DDX6: variants seen among roughly 807,000 people sequenced by gnomAD.
DDX6 encodes DEAD-box helicase 6.
Under a neutral mutation model 60.6 loss-of-function variants are expected in DDX6, and 7 were observed. The observed-to-expected ratio is 0.12, with a 90% CI of 0.07 to 0.22. The LOEUF (loss-of-function observed/expected upper bound fraction) is 0.22, where lower values mean the gene tolerates loss of function less well. Ranked by LOEUF, DDX6 falls within the 10% of genes least tolerant of loss-of-function variation. The pLI is 1.00. For synonymous variants in DDX6, 207 were observed against 201.0 expected, an observed-to-expected ratio of 1.03 and a Z score of -0.25; for missense variants, 270 against 589.9, an observed-to-expected ratio of 0.46 and a Z score of 5.62.
intron 9 of DDX6, among the ~76,000 whole-genome samples, chr11:118,758,551 G>A (rs1861055754): frequency 6.6e-6 from 1 of 151,756 alleles, no homozygotes; most frequent in Admixed American, 6.6e-5. Flanking sequence ...TTTGTATTTT[G>A]TAGTAGAGAT....
intron 13 of DDX6, among the ~76,000 whole-genome samples, chr11:118,753,697 A>C (rs1555158020): frequency 2.0e-5 from 3 of 152,182 alleles, no homozygotes; most frequent in Non-Finnish European, 4.4e-5. Context: ...TTTGCTAATA[A>C]GGTATTATGG....
intron 1 of DDX6, chr11:118,789,662 G>A (rs1236114850): frequency 6.6e-6 from 1 of 152,244 alleles, no homozygotes; most frequent in East Asian, 1.9e-4. Flanking sequence ...TATGATCAGC[G>A]ATATCACGCA....
At chr11:118,756,172 C>G in intron 11 of DDX6, 88 bp downstream of exon 11, 1 of 995,018 alleles carries the variant, frequency 1.0e-6, no homozygotes, top group Non-Finnish European at 1.6e-6. Context: ...CGGACTATGT[C>G]ACAGGTTGCA....
Position 118,759,215 on chromosome 11 carries a change from A to G in DDX6, c.865-313T>C, listed in dbSNP as rs555305800. On this transcript the variant is annotated intron_variant, in intron 8 of 13. Coordinates refer to ENST00000534980, the MANE Select transcript of DDX6 (RefSeq NM_004397.6). The stretch of plus-strand genomic sequence containing the variant: ...GCTGGGAATGCAGGCATGCACTGCC[A>G]TAACAGACTAATTTTTGTATTTTTA... The G allele has an allele frequency of 7.4e-4, 158 of 213,194 alleles. 2 individuals are homozygous for G. In the South Asian group the frequency reaches 7.7e-3, roughly 10 times the overall value. 13.2% of individuals were successfully genotyped at this position (213,194 alleles called of 1,614,324 possible).
intron 9 of DDX6, among the ~76,000 whole-genome samples, chr11:118,757,953 C>T (rs1555159346): frequency 6.6e-6 from 1 of 152,138 alleles, no homozygotes; most frequent in African/African-American, 2.4e-5. Context: ...ACTTCAGCAC[C>T]ATGTGTAGGG....
At chr11:118,772,306 A>G (rs1861561856) in intron 4 of DDX6, among the ~76,000 whole-genome samples, 1 of 152,204 alleles carries the variant, frequency 6.6e-6, no homozygotes, top group Admixed American at 6.5e-5. Context: ...CATACAATAA[A>G]ATATTATTCA....
At chr11:118,776,443 T>A (rs1158265939) in intron 4 of DDX6, among the ~76,000 whole-genome samples, 1 of 152,280 alleles carries the variant, frequency 6.6e-6, no homozygotes, top group East Asian at 1.9e-4. Context: ...ATGAGTTACC[T>A]AAGTTTCATC....
upstream of DDX6, chr11:118,791,624 CTT>C (rs1862279231): frequency 6.6e-6 from 1 of 152,220 alleles, no homozygotes; most frequent in African/African-American, 2.4e-5. Context: ...GCTGACCTGA[CTT>C]CTCCAGCTGG....
intron 4 of DDX6, among the ~76,000 whole-genome samples, chr11:118,770,618 G>A (rs894829504): frequency 6.6e-6 from 1 of 152,072 alleles, no homozygotes; most frequent in African/African-American, 2.4e-5. Flanking sequence ...GGCTGGGAAC[G>A]ATGGCTCATG....
chr11:118,757,236 A>G lies in DDX6; in HGVS notation c.1045T>C (p.Leu349=), dbSNP rs782579204. 2 of 1,588,370 alleles carry G rather than the reference A, an allele frequency of 1.3e-6. No homozygotes were observed. The highest frequency in any genetic ancestry group is 2.4e-5 in the South Asian group (2 of 85,082). ...IFCNSSQRVE[L]LAKKISQLGY... is the part of the protein sequence containing the mutation. ...AGTTGAGAAATCTTCTTGGCTAGCAATTCAACTCGCTGAGAGGAGTTACAG... is the reference window on the plus strand; with the variant it reads ...AGTTGAGAAATCTTCTTGGCTAGCAGTTCAACTCGCTGAGAGGAGTTACAG... The change falls in exon 10 of 14, where the codon TTG becomes CTG. Residue 349 remains leucine (L), a synonymous_variant. Transcript: ENST00000534980.
intron 11 of DDX6, 135 bp downstream of exon 11, chr11:118,756,125 C>T: frequency 3.3e-6 from 2 of 614,618 alleles, no homozygotes; most frequent in Admixed American, 3.1e-5. Context: ...AGTTCATTTT[C>T]AACTTCAGAA....
intron 4 of DDX6, among the ~76,000 whole-genome samples, chr11:118,779,156 CAA>C (rs5795140): frequency 6.4e-5 from 8 of 125,894 alleles, no homozygotes; most frequent in Admixed American, 2.5e-4. Flanking sequence ...ACCCAGTTGC[CAA>C]AAAAAAAAAA....
upstream of DDX6, chr11:118,791,573 TTTTGAAAAC>T (rs964643188): frequency 7.2e-5 from 11 of 152,078 alleles, no homozygotes; most frequent in Non-Finnish European, 1.6e-4. Flanking sequence ...TAAGGATATG[TTTTGAAAAC>T]TGGCCCCCGG....
intron 2 of DDX6, among the ~76,000 whole-genome samples, chr11:118,782,644 CCTT>C (rs1270514203): frequency 9.0e-5 from 2 of 22,272 alleles, no homozygotes; most frequent in African/African-American, 4.4e-4. Flanking sequence ...TGTACTAAAG[CCTT>C]TTTTTTTTTT....
chr11:118,760,389 A>G (rs1861123306), intron 7 of DDX6, among the ~76,000 whole-genome samples: 1 of 152,164 alleles, frequency 6.6e-6, no homozygotes, highest in African/African-American at 2.4e-5. Flanking sequence ...TGCAGCCTGA[A>G]CTTCCTGGGC....
In DDX6 at chr11:118,751,559, GA is replaced by G. The variant is rs560013949; in HGVS notation, c.*545del. 4.0e-5 allele frequency: 6 copies of G among 150,718 alleles called. No individual in the cohort carries two copies. The highest frequency in any genetic ancestry group is 9.8e-5 in the African/African-American group (4 of 40,880). The allele number at this position is 150,718 out of a possible 1,614,324, so 9.3% of individuals were successfully genotyped here. On this transcript the variant is annotated 3_prime_UTR_variant, in exon 14 of 14. Coordinates refer to ENST00000534980, the MANE Select transcript of DDX6 (RefSeq NM_004397.6). The stretch of plus-strand genomic sequence containing the variant: ...AAGAAGACATTTTTTAAAAGAAAAA[GA>G]AAAAAAAACGGAAAGAAAGAGTTAC...
At chr11:118,758,240 T>TA (rs1456834352) in intron 9 of DDX6, among the ~76,000 whole-genome samples, 1 of 152,238 alleles carries the variant, frequency 6.6e-6, no homozygotes, top group Admixed American at 6.5e-5. Context: ...TAATGAGGAT[T>TA]AACCCTAGTT....
At chr11:118,785,900 G>T in intron 2 of DDX6, 152 bp downstream of exon 2, 1 of 629,670 alleles carries the variant, frequency 1.6e-6, no homozygotes, top group African/African-American at 1.9e-5. Context: ...TTATTCTATT[G>T]CAAATACCTA....
chr11:118,763,431 G>T, intron 6 of DDX6, 125 bp from the exon 7 acceptor site: 1 of 735,470 alleles, frequency 1.4e-6, no homozygotes, highest in Non-Finnish European at 2.3e-6. Context: ...GCTATGTGAT[G>T]GTATAGCCTA....
Sources: gnomAD v4.1 joint callset for allele counts (sites outside exome capture counted in the v4.1 genomes callset) on GRCh38, gnomAD v4.1.1 for gene constraint, MANE v1.5 for transcripts, NCBI Gene and HGNC (gene_info 2026-07-23, HGNC 2026-07-21) for gene names.